GRM5: variants seen among roughly 807,000 people sequenced by gnomAD.
The protein encoded by GRM5 is glutamate metabotropic receptor 5, also known as metabotropic glutamate receptor 5.
In GRM5, 19 loss-of-function variants were observed where a neutral mutation model predicts 83.1. That is an observed-to-expected ratio of 0.23 (90% CI 0.16 to 0.34). The LOEUF (loss-of-function observed/expected upper bound fraction) is 0.34. Ranked by LOEUF, GRM5 falls within the 10% of genes least tolerant of loss-of-function variation. The pLI is 1.00. For synonymous variants in GRM5, 675 were observed against 633.6 expected (o/e 1.07, Z -0.98); for missense variants, 1,160 against 1,588.3 (o/e 0.73, Z 4.58).
chr11:88,563,195 T>C (rs1942796634), intron 8 of GRM5, among the ~76,000 whole-genome samples: 1 of 152,180 alleles, frequency 6.6e-6, no homozygotes, highest in Non-Finnish European at 1.5e-5. Context: ...CTACTCAAAA[T>C]AGGAATTATT....
intron 4 of GRM5, among the ~76,000 whole-genome samples, chr11:88,646,547 CTTTA>C (rs910828365): frequency 1.3e-5 from 2 of 151,418 alleles, no homozygotes; most frequent in African/African-American, 4.8e-5. Flanking sequence ...AAGTGACAAG[CTTTA>C]TTTATACAAC....
intron 3 of GRM5, among the ~76,000 whole-genome samples, chr11:88,816,544 A>AT (rs1943688210): frequency 6.7e-6 from 1 of 149,490 alleles, no homozygotes; most frequent in Admixed American, 6.6e-5. Context: ...ATCTCAAAAA[A>AT]AAAAAAAAAA....
At chr11:88,629,620 C>T (rs1938906685) in intron 4 of GRM5, among the ~76,000 whole-genome samples, 1 of 152,086 alleles carries the variant, frequency 6.6e-6, no homozygotes, top group Non-Finnish European at 1.5e-5. Context: ...GGCCACTTAC[C>T]CATACCACAC....
Position 88,567,697 on chromosome 11 carries a change from A to C in GRM5, c.1986T>G (p.Leu662=). ...TTGCAATACGGTTGGTCTTTGTTAC[A>C]AGGGCTGAGTAGCTCATGGCTGGGG... ...GLSPAMSYSA[L]VTKTNRIARI... The change falls in exon 8 of 10, where the codon CTT becomes CTG. Residue 662 remains leucine (L), a synonymous_variant. Coordinates refer to ENST00000305447, the MANE Select transcript of GRM5 (RefSeq NM_001143831.3). This position sits in a 1 kb window ranked among gnomAD's most constrained non-coding sequence, Gnocchi z 7.3. 6.2e-7 allele frequency: 1 copy of C among 1,614,150 alleles called. No homozygotes were observed. Among genetic ancestry groups the C allele is most frequent in the South Asian group, 1.1e-5 (1 of 91,082 alleles).
intron 3 of GRM5, among the ~76,000 whole-genome samples, chr11:88,662,346 A>G (rs1939929360): frequency 6.6e-6 from 1 of 152,306 alleles, no homozygotes; most frequent in Middle Eastern, 3.4e-3. Context: ...AAGTAATGAC[A>G]TACAGTAATG....
chr11:88,777,416 A>C (rs545055313), intron 3 of GRM5, among the ~76,000 whole-genome samples: 2 of 152,246 alleles, frequency 1.3e-5, no homozygotes, highest in African/African-American at 4.8e-5. Flanking sequence ...TGTTATTACC[A>C]ACCTTCTGCA....
chr11:88,778,650 T>C (rs918453644), intron 3 of GRM5, among the ~76,000 whole-genome samples: 12 of 152,176 alleles, frequency 7.9e-5, no homozygotes, highest in African/African-American at 2.9e-4. Flanking sequence ...TTGGCTTATA[T>C]TTGAGTCCTC....
chr11:88,646,424 A>G lies in GRM5; in HGVS notation c.1147+6744T>C, dbSNP rs560738449. Among the ~76,000 whole-genome samples the G allele has an allele frequency of 6.2e-4, 95 of 152,208 alleles. 3 individuals carry two copies. The highest frequency in any genetic ancestry group is 1.0e-3 in the Non-Finnish European group (70 of 67,988). On this transcript the variant is annotated intron_variant, in intron 4 of 9. Transcript: ENST00000305447. ...TAATAGTATATATTTCTGGACTCAAATAATACCAAGTAGTTAAAACATTTA... is the reference window on the plus strand; with the variant it reads ...TAATAGTATATATTTCTGGACTCAAGTAATACCAAGTAGTTAAAACATTTA...
intron 2 of GRM5, among the ~76,000 whole-genome samples, chr11:88,876,445 A>G (rs1308471253): frequency 6.6e-6 from 1 of 152,106 alleles, no homozygotes; most frequent in Admixed American, 6.6e-5. Context: ...GCTATATCAG[A>G]TTCTTATAAT....
In GRM5 at chr11:88,508,748, C is replaced by G; in HGVS notation, c.3483G>C (p.Val1161=). 1 of 1,561,876 alleles carries G rather than the reference C, an allele frequency of 6.4e-7. No individual in the cohort carries two copies. The highest frequency in any genetic ancestry group is 1.4e-5 in the African/African-American group (1 of 71,146). Residue 1161 remains valine, a synonymous_variant, in exon 10 of 10, where the codon GTG becomes GTC. Transcript: ENST00000305447. This position sits in a 1 kb window ranked among gnomAD's most constrained non-coding sequence, Gnocchi z 4.2. ...AAAKPDLEEL[V]ALTPPSPFRD... is the part of the protein sequence containing the mutation. ...TGAAGGGGGACGGCGGGGTGAGAGC[C>G]ACCAGCTCCTCCAGGTCTGGCTTGG... is the stretch of plus-strand genomic sequence containing the variant.
chr11:88,805,106 T>C (rs12282891), intron 3 of GRM5, among the ~76,000 whole-genome samples: 5,129 of 152,282 alleles, frequency 0.034, 255 homozygotes, highest in African/African-American at 0.1. Flanking sequence ...GTTAAAGACC[T>C]GGAGCCAGAG....
chr11:88,526,916 A>G (rs946614286), intron 8 of GRM5, among the ~76,000 whole-genome samples: 9 of 152,180 alleles, frequency 5.9e-5, no homozygotes, highest in African/African-American at 2.2e-4. Context: ...ACCTGTTAGA[A>G]TTTACCTAAC....
chr11:88,778,163 C>A (rs970053903), intron 3 of GRM5, among the ~76,000 whole-genome samples: 1 of 152,068 alleles, frequency 6.6e-6, no homozygotes, highest in Non-Finnish European at 1.5e-5. Flanking sequence ...TCATCAATGG[C>A]GACACCCCTC....
At chr11:88,772,715 G>A (rs560584728) in intron 3 of GRM5, among the ~76,000 whole-genome samples, 1 of 151,806 alleles carries the variant, frequency 6.6e-6, no homozygotes, top group African/African-American at 2.4e-5. Flanking sequence ...TTTTCTGTCC[G>A]AGCGATAGTT....
chr11:88,532,808 A>G (rs932376030), intron 8 of GRM5, among the ~76,000 whole-genome samples: 1 of 152,222 alleles, frequency 6.6e-6, no homozygotes, highest in Non-Finnish European at 1.5e-5. Context: ...AGTGGTAACT[A>G]ATGTACAGAG....
intron 9 of GRM5, among the ~76,000 whole-genome samples, chr11:88,516,281 C>A (rs1941518363): frequency 2.0e-5 from 3 of 152,248 alleles, no homozygotes; most frequent in African/African-American, 7.2e-5. Context: ...AAGTAAATGG[C>A]AGGACAGTGC....
intron 4 of GRM5, among the ~76,000 whole-genome samples, chr11:88,615,546 A>G (rs902257604): frequency 6.6e-6 from 1 of 152,042 alleles, no homozygotes; most frequent in African/African-American, 2.4e-5. Flanking sequence ...TAGCTGAGAC[A>G]GCTCCATTGA....
At chr11:88,712,701 C>T (rs746018506) in intron 3 of GRM5, among the ~76,000 whole-genome samples, 3 of 151,956 alleles carry the variant, frequency 2.0e-5, no homozygotes, top group Non-Finnish European at 4.4e-5. Flanking sequence ...AGACACGGGC[C>T]ATGTCATTGA....
intron 3 of GRM5, among the ~76,000 whole-genome samples, chr11:88,656,381 T>C (rs1005458124): frequency 4.6e-5 from 7 of 152,166 alleles, no homozygotes; most frequent in African/African-American, 1.4e-4. Flanking sequence ...AGATTCTGCA[T>C]TTACAAATTT....
Sources: gnomAD v4.1 joint callset for allele counts (sites outside exome capture counted in the v4.1 genomes callset) on GRCh38, gnomAD v4.1.1 for gene constraint, Gnocchi (gnomAD v3.1) non-coding constraint, MANE v1.5 for transcripts, NCBI Gene and HGNC (gene_info 2026-07-23, HGNC 2026-07-21) for gene names.